PDE10A: variants seen among roughly 807,000 people sequenced by gnomAD.
PDE10A encodes phosphodiesterase 10A.
Under a neutral mutation model 97.7 loss-of-function variants are expected in PDE10A, and 39 were observed. The observed-to-expected ratio is 0.40, with a 90% confidence interval of 0.31 to 0.52. PDE10A has a LOEUF of 0.52. Among genes scored for constraint, PDE10A ranks in the 20% least tolerant of loss-of-function variants. PDE10A has a pLI of 0.56. For synonymous variants in PDE10A, 371 were observed against 376.8 expected (o/e 0.98, Z 0.18); for missense variants, 731 against 1,047.8 (o/e 0.70, Z 4.17).
At chr6:165,444,523 A>T (rs1477915203) in intron 5 of PDE10A, among the ~76,000 whole-genome samples, 1 of 152,124 alleles carries the variant, frequency 6.6e-6, no homozygotes, top group Non-Finnish European at 1.5e-5. Context: ...CAGAAACTTC[A>T]ATGTACCAGA....
At chr6:165,915,869 G>A (rs754587132) in intron 1 of PDE10A, among the ~76,000 whole-genome samples, 4 of 152,154 alleles carry the variant, frequency 2.6e-5, no homozygotes, top group Non-Finnish European at 5.9e-5. Context: ...GACCAACTTT[G>A]GCATTTTGAT....
chr6:165,715,220 C>A (rs1279002093), intron 1 of PDE10A, among the ~76,000 whole-genome samples: 1 of 152,154 alleles, frequency 6.6e-6, no homozygotes, highest in Non-Finnish European at 1.5e-5. Context: ...CAGCAGGTGG[C>A]GAGGCTTAGG....
At chr6:165,797,201 C>T (rs754493223) in intron 1 of PDE10A, among the ~76,000 whole-genome samples, 1 of 152,152 alleles carries the variant, frequency 6.6e-6, no homozygotes, top group Non-Finnish European at 1.5e-5. Context: ...CATGGTGTCT[C>T]CCACCAGACA....
intron 18 of PDE10A, among the ~76,000 whole-genome samples, chr6:165,358,464 T>G (rs1355244347): frequency 2.0e-5 from 3 of 152,042 alleles, no homozygotes; most frequent in Non-Finnish European, 4.4e-5. Flanking sequence ...CTGGCAATGT[T>G]TCCTATCTTA....
intron 2 of PDE10A, among the ~76,000 whole-genome samples, chr6:165,492,642 C>G (rs1229409566): frequency 2.0e-5 from 3 of 151,994 alleles, no homozygotes; most frequent in Non-Finnish European, 4.4e-5. Flanking sequence ...ATCCAGCATC[C>G]CATTATGATT....
intron 1 of PDE10A, among the ~76,000 whole-genome samples, chr6:165,589,297 A>G (rs568599903): frequency 9.3e-4 from 142 of 152,298 alleles, no homozygotes; most frequent in African/African-American, 3.3e-3. Context: ...TGCTGTGTTC[A>G]CCACAGCACT....
chr6:165,784,404 A>G (rs911718374), intron 1 of PDE10A, among the ~76,000 whole-genome samples: 4 of 152,110 alleles, frequency 2.6e-5, no homozygotes, highest in Non-Finnish European at 5.9e-5. Context: ...TGCTTAGCTT[A>G]GCCCTCTTTC....
chr6:165,820,657 A>G (rs1224462869), intron 1 of PDE10A, among the ~76,000 whole-genome samples: 2 of 152,234 alleles, frequency 1.3e-5, no homozygotes, highest in Non-Finnish European at 2.9e-5. Flanking sequence ...CATATGCACA[A>G]GAAACTACCT....
chr6:165,601,443 G>A (rs550633803), intron 1 of PDE10A, among the ~76,000 whole-genome samples: 1 of 152,192 alleles, frequency 6.6e-6, no homozygotes, highest in South Asian at 2.1e-4. Flanking sequence ...TGTGTACTAT[G>A]CCGTGTTTTA....
At chr6:165,867,764 C>T (rs1433444651) in intron 1 of PDE10A, among the ~76,000 whole-genome samples, 1 of 151,990 alleles carries the variant, frequency 6.6e-6, no homozygotes, top group Non-Finnish European at 1.5e-5. Context: ...CCAGGACAGA[C>T]CATATGTTAG....
intron 1 of PDE10A, among the ~76,000 whole-genome samples, chr6:165,946,313 A>C (rs1281893131): frequency 6.6e-6 from 1 of 152,080 alleles, no homozygotes; most frequent in East Asian, 1.9e-4. Context: ...TGGCTAACAC[A>C]GTGAAACCCC....
At chr6:165,462,161 A>G (rs1778363479) in intron 3 of PDE10A, among the ~76,000 whole-genome samples, 1 of 152,228 alleles carries the variant, frequency 6.6e-6, no homozygotes, top group African/African-American at 2.4e-5. Context: ...TCTATGTGGA[A>G]TATTAAACAC....
intron 1 of PDE10A, among the ~76,000 whole-genome samples, chr6:165,974,654 G>A (rs775198711): frequency 4.6e-5 from 7 of 152,332 alleles, no homozygotes; most frequent in Non-Finnish European, 8.8e-5. Flanking sequence ...AGTTGATAGC[G>A]CATTGCACAT....
chr6:165,340,901 C>T (rs1015459186), intron 19 of PDE10A, among the ~76,000 whole-genome samples: 3 of 152,172 alleles, frequency 2.0e-5, no homozygotes, highest in Admixed American at 1.3e-4. Flanking sequence ...AAGCAGGGTA[C>T]GGATGGAATC....
intron 2 of PDE10A, among the ~76,000 whole-genome samples, chr6:165,499,808 A>C (rs1190646998): frequency 6.6e-6 from 1 of 152,224 alleles, no homozygotes; most frequent in Non-Finnish European, 1.5e-5. Flanking sequence ...AAAATATGTG[A>C]AATGAAAGTT....
intron 1 of PDE10A, among the ~76,000 whole-genome samples, chr6:165,631,284 T>C (rs765660352): frequency 2.0e-5 from 3 of 152,224 alleles, no homozygotes; most frequent in Non-Finnish European, 4.4e-5. Context: ...TTTTAACCTG[T>C]CTCAGTGAGA....
chr6:165,976,667 C>T (rs562262514), intron 1 of PDE10A, among the ~76,000 whole-genome samples: 61 of 152,326 alleles, frequency 4.0e-4, no homozygotes, highest in African/African-American at 1.2e-3. Context: ...AGACCCTTCA[C>T]GGGTTTTTCA....
intron 10 of PDE10A, among the ~76,000 whole-genome samples, chr6:165,428,294 G>A (rs867865503): frequency 2.0e-5 from 3 of 152,072 alleles, no homozygotes; most frequent in Admixed American, 6.6e-5. Context: ...ATCTAGGAGA[G>A]AGGAATAATT....
At chr6:165,859,789 G>A (rs1780847586) in intron 1 of PDE10A, among the ~76,000 whole-genome samples, 1 of 151,940 alleles carries the variant, frequency 6.6e-6, no homozygotes, top group Non-Finnish European at 1.5e-5. Flanking sequence ...GTTTATCACA[G>A]TTTCTTTATG....
Sources: allele counts gnomAD v4.1 joint callset (sites outside exome capture counted in the v4.1 genomes callset), GRCh38; gene constraint gnomAD v4.1.1; transcripts MANE v1.5; gene names NCBI Gene and HGNC (gene_info 2026-07-23, HGNC 2026-07-21).